The following KALRN variants were observed in gnomAD, a reference collection of about 807,000 sequenced individuals.
KALRN encodes kalirin RhoGEF kinase.
In KALRN, 70 loss-of-function variants were observed where a neutral mutation model predicts 353.7. The ratio of observed to expected loss-of-function variants is 0.20; its 90% CI spans 0.16 to 0.24. The LOEUF (loss-of-function observed/expected upper bound fraction) is 0.24. KALRN is among the 10% of genes least tolerant of loss of function. The probability of loss-of-function intolerance (pLI) is 1.00; values close to 1 mark genes in which losing one functional copy is unlikely to be tolerated. For missense variants in KALRN, 2,791 were observed against 3,756.7 expected, an observed-to-expected ratio of 0.74 and a Z score of 6.72; for synonymous variants, 1,391 against 1,434.8, an observed-to-expected ratio of 0.97 and a Z score of 0.69.
At chr3:124,386,897 T>C (rs2088432277) in intron 11 of KALRN, among the ~76,000 whole-genome samples, 6 of 152,310 alleles carry the variant, frequency 3.9e-5, no homozygotes, top group African/African-American at 1.2e-4. Flanking sequence ...ATGATATAGA[T>C]TTTATTAAAC....
At chr3:124,188,475 G>T (rs1030971635) in intron 1 of KALRN, among the ~76,000 whole-genome samples, 1 of 152,142 alleles carries the variant, frequency 6.6e-6, no homozygotes, top group African/African-American at 2.4e-5. Context: ...CAGCATGGCT[G>T]GTTCTGACAG....
In KALRN at chr3:124,422,870, G is replaced by C. The variant is rs964778183; in HGVS notation, c.2601G>C (p.Leu867Phe). 6.2e-7 allele frequency: 1 copy of C among 1,613,942 alleles called. No individual in the cohort carries two copies. The highest frequency in any genetic ancestry group is 8.5e-7 in the Non-Finnish European group (1 of 1,179,858). The change falls in exon 15 of 60, where the codon TTG (leucine) becomes TTC (phenylalanine). Residue 867 changes from leucine to phenylalanine, a missense_variant. This residue lies in a region of KALRN where 452 missense variants were observed against 575.8 expected (regional missense o/e 0.78). Transcript: ENST00000682506. ...TGGCAGCCCAGGTGCAAGAGTTATT[G>C]GAATTTCTCCATGAGAAGCAGCATG... ...IDLAAQVQEL[L>F]EFLHEKQHEL...
chr3:124,605,599 A>AGAGAGAG, intron 34 of KALRN, among the ~76,000 whole-genome samples: 1 of 135,258 alleles, frequency 7.4e-6, no homozygotes, highest in Non-Finnish European at 1.6e-5. Flanking sequence ...AGAGAGAGAG[A>AGAGAGAG]ATAGGTGCAT....
intron 34 of KALRN, among the ~76,000 whole-genome samples, chr3:124,615,501 A>G (rs921413908): frequency 1.3e-5 from 2 of 152,250 alleles, no homozygotes; most frequent in Non-Finnish European, 2.9e-5. Flanking sequence ...ATAAAGGGGA[A>G]TCTTCTCTGT....
At chr3:124,665,757 C>A (rs1199966684) in intron 45 of KALRN, among the ~76,000 whole-genome samples, 2 of 152,174 alleles carry the variant, frequency 1.3e-5, no homozygotes, top group Non-Finnish European at 2.9e-5. Context: ...GAGCACCACA[C>A]CCACCCTGGA....
At position 124,260,599 on chromosome 3, in the gene KALRN, C is replaced by T. The variant is rs188776665; in HGVS notation, c.264-3899C>T. Among the ~76,000 whole-genome samples the T allele has an allele frequency of 2.0e-4, 30 of 151,942 alleles. 1 individual carries two copies. The highest frequency in any genetic ancestry group is 5.8e-4 in the African/African-American group (24 of 41,388). The stretch of plus-strand genomic sequence containing the variant: ...GGAAGTAGGCTAAGGGTCCTTTGGG[C>T]GGAGAGTATTAGGGTTTCAGATACT... On this transcript the variant is annotated intron_variant, in intron 3 of 59. Transcript: ENST00000682506.
At chr3:124,682,168 T>C (rs901457857) in intron 51 of KALRN, among the ~76,000 whole-genome samples, 2 of 152,194 alleles carry the variant, frequency 1.3e-5, no homozygotes, top group African/African-American at 4.8e-5. Flanking sequence ...GAGTGCATAC[T>C]GAAGAGAGAG....
chr3:124,663,108 G>C (rs1559797488), intron 45 of KALRN, among the ~76,000 whole-genome samples: 2 of 152,110 alleles, frequency 1.3e-5, no homozygotes, highest in Non-Finnish European at 2.9e-5. Flanking sequence ...ACCACACCTG[G>C]CTAATTTTTT....
intron 33 of KALRN, among the ~76,000 whole-genome samples, chr3:124,513,829 A>G (rs1577623315): frequency 6.6e-6 from 1 of 152,018 alleles, no homozygotes; most frequent in South Asian, 2.1e-4. Context: ...AGGTGGGCAT[A>G]CCTCCGCACC....
At chr3:124,163,827 A>T (rs952137987) in intron 1 of KALRN, 1 of 985,448 alleles carries the variant, frequency 1.0e-6, no homozygotes, top group Non-Finnish European at 1.2e-6. Context: ...CACCTGACTG[A>T]TGTTTAATGC....
At chr3:124,080,263 A>T (rs564307273) in intron 1 of KALRN, among the ~76,000 whole-genome samples, 1 of 152,192 alleles carries the variant, frequency 6.6e-6, no homozygotes, top group Non-Finnish European at 1.5e-5. Context: ...ACTTTTTTTT[A>T]AAAAGCTAAA....
chr3:124,680,014 A>G (rs904174987), intron 51 of KALRN, among the ~76,000 whole-genome samples: 1 of 152,206 alleles, frequency 6.6e-6, no homozygotes, highest in Non-Finnish European at 1.5e-5. Context: ...TTCCAGAAAA[A>G]TAACGGGTGA....
At chr3:124,402,331 A>G (rs2090980002) in intron 13 of KALRN, among the ~76,000 whole-genome samples, 1 of 152,224 alleles carries the variant, frequency 6.6e-6, no homozygotes, top group Non-Finnish European at 1.5e-5. Context: ...GATTCCTGGT[A>G]TACCTTCTTG....
In KALRN at chr3:124,334,502, G is replaced by A. The variant is rs775826167; in HGVS notation, c.1647+7G>A. ...CCAGCAGGATGTACAGCAGGTAACA[G>A]GCTCTGAGCCCCGGTGTCCATTATC... On this transcript the variant is annotated splice_region_variant and intron_variant, in intron 9 of 59. Transcript: ENST00000682506. The surrounding 1 kb of genome is among the most constrained non-coding windows in gnomAD (Gnocchi z 4.2). 1.9e-6 allele frequency: 3 copies of A among 1,602,228 alleles called. No homozygotes were observed. The highest frequency in any genetic ancestry group is 2.6e-6 in the Non-Finnish European group (3 of 1,170,826).
chr3:124,231,473 G>C (rs865799825), intron 2 of KALRN, among the ~76,000 whole-genome samples: 9 of 151,960 alleles, frequency 5.9e-5, no homozygotes, highest in Admixed American at 5.9e-4. Flanking sequence ...GGTTTCCACC[G>C]TTCCCAGGGA....
chr3:124,363,108 AAT>A (rs2084244324), intron 10 of KALRN, among the ~76,000 whole-genome samples: 1 of 152,166 alleles, frequency 6.6e-6, no homozygotes, highest in African/African-American at 2.4e-5. Context: ...ATATAAAATA[AAT>A]TTTAAAAAAA....
chr3:124,100,689 A>T (rs567910795), intron 1 of KALRN, among the ~76,000 whole-genome samples: 1 of 152,370 alleles, frequency 6.6e-6, no homozygotes, highest in Admixed American at 6.5e-5. Flanking sequence ...GACTGTCAAC[A>T]TTCCTGTAGC....
intron 10 of KALRN, among the ~76,000 whole-genome samples, chr3:124,353,129 C>T (rs1460850525): frequency 1.3e-5 from 2 of 152,004 alleles, no homozygotes; most frequent in South Asian, 4.2e-4. Context: ...TAGGCAACTG[C>T]ATTGTGCTAT....
intron 53 of KALRN, 83 bp downstream of exon 53, chr3:124,694,586 G>A (rs916556014): frequency 1.5e-6 from 2 of 1,359,962 alleles, no homozygotes; most frequent in African/African-American, 2.9e-5. Flanking sequence ...TGCAACTTCT[G>A]CTCTGGTGAC....
Sources: allele counts gnomAD v4.1 joint callset (sites outside exome capture counted in the v4.1 genomes callset), GRCh38; gene constraint gnomAD v4.1.1; regional missense constraint gnomAD v4.1.1; non-coding constraint Gnocchi (gnomAD v3.1); transcripts MANE v1.5; gene names NCBI Gene and HGNC (gene_info 2026-07-23, HGNC 2026-07-21).